The following CENPI variants were observed in gnomAD, a reference collection of about 807,000 sequenced individuals.
The protein encoded by CENPI is centromere protein I.
Under a neutral mutation model 60.4 loss-of-function variants are expected in CENPI, and 4 were observed. The observed-to-expected ratio is 0.07, with a 90% CI of 0.03 to 0.15. CENPI has a LOEUF of 0.15. Among genes scored for constraint, CENPI ranks in the 10% least tolerant of loss-of-function variants. CENPI has a pLI of 1.00. For missense variants in CENPI, 444 were observed against 534.5 expected, an observed-to-expected ratio of 0.83 and a Z score of 1.67; for synonymous variants, 157 against 189.4, an observed-to-expected ratio of 0.83 and a Z score of 1.40.
the CENPI span, among the ~76,000 whole-genome samples, chrX:101,178,938 C>A: frequency 8.9e-6 from 1 of 112,131 alleles, no homozygotes; most frequent in African/African-American, 3.2e-5. Flanking sequence ...TATTAGATTT[C>A]TTTAAGCATT....
the CENPI span, among the ~76,000 whole-genome samples, chrX:101,177,967 TG>T: frequency 8.9e-6 from 1 of 111,988 alleles, no homozygotes; most frequent in East Asian, 2.8e-4. Flanking sequence ...GCTTAGGGCT[TG>T]GAGTATGTAT....
intron 6 of CENPI, among the ~76,000 whole-genome samples, chrX:101,112,047 T>C (rs1046922547): frequency 2.7e-5 from 3 of 111,296 alleles, no homozygotes; most frequent in African/African-American, 9.8e-5. Context: ...AAAGAATGAC[T>C]GACGTACGAA....
rs753966413 is a variant in CENPI at position 101,127,164 on chromosome X, A to G, written c.804A>G (p.Leu268=). 2.4e-5 allele frequency: 29 copies of G among 1,188,480 alleles called. No individual in the cohort carries two copies. The highest frequency in any genetic ancestry group is 1.2e-4 in the South Asian group (6 of 52,032). The change falls in exon 10 of 22, where the codon CTA becomes CTG. Residue 268 remains leucine (L), a synonymous_variant. Coordinates refer to ENST00000682095, the MANE Select transcript of CENPI (RefSeq NM_001386188.2). The part of the protein sequence containing the change: ...KKIYFKNSEN[L]WKTALLAVKQ... ...TATATTTTAAGAATTCAGAGAATCT[A>G]TGGAAGACGGCTCTGCTTGCCGTGA... is the stretch of plus-strand genomic sequence containing the variant.
intron 4 of CENPI, among the ~76,000 whole-genome samples, chrX:101,103,378 G>A (rs1351448926): frequency 1.8e-5 from 2 of 109,321 alleles, no homozygotes; most frequent in Admixed American, 9.9e-5. Context: ...TTTTGCACTT[G>A]TTGCCCAGGC....
chrX:101,161,680 T>C (rs2090109384), intron 21 of CENPI, 111 bp downstream of exon 21: 1 of 673,495 alleles, frequency 1.5e-6, no homozygotes, highest in Non-Finnish European at 2.3e-6. Flanking sequence ...CTCCACAAAG[T>C]CAAAATGAAG....
At chrX:101,116,554 A>G (rs1439310356) in intron 6 of CENPI, among the ~76,000 whole-genome samples, 6 of 111,661 alleles carry the variant, frequency 5.4e-5, no homozygotes, top group Admixed American at 2.9e-4. Context: ...GGATGACTAT[A>G]TCTAATTTTG....
chrX:101,121,110 C>T (rs1429180061), intron 8 of CENPI, among the ~76,000 whole-genome samples: 1 of 110,038 alleles, frequency 9.1e-6, no homozygotes, highest in Admixed American at 9.8e-5. Context: ...CTCCTGGCCT[C>T]GGTGATCCAC....
chrX:101,120,567 T>C, intron 7 of CENPI, 117 bp downstream of exon 7: 1 of 607,131 alleles, frequency 1.6e-6, no homozygotes, highest in Non-Finnish European at 2.6e-6. Flanking sequence ...TTTGTGGAAA[T>C]TGCTTTTTAG....
At chrX:101,118,641 A>G (rs2089646512) in intron 6 of CENPI, among the ~76,000 whole-genome samples, 1 of 112,032 alleles carries the variant, frequency 8.9e-6, no homozygotes, top group Non-Finnish European at 1.9e-5. Context: ...CAGAAAGGCA[A>G]TTGTAAAATG....
intron 4 of CENPI, among the ~76,000 whole-genome samples, chrX:101,102,868 T>TA (rs1267449221): frequency 6.7e-5 from 7 of 104,216 alleles, no homozygotes; most frequent in Non-Finnish European, 1.4e-4. Context: ...TTTTTTTTTT[T>TA]TTTAGTAGGG....
chrX:101,173,955 A>G, the CENPI span, among the ~76,000 whole-genome samples: 1 of 112,188 alleles, frequency 8.9e-6, no homozygotes, highest in Non-Finnish European at 1.9e-5. Flanking sequence ...ATGCTTCTCA[A>G]AAGAAGACAT....
chrX:101,140,300 A>C (rs972521087), intron 15 of CENPI, among the ~76,000 whole-genome samples: 2 of 112,309 alleles, frequency 1.8e-5, no homozygotes, highest in Admixed American at 9.5e-5. Flanking sequence ...CAAGGTAAAA[A>C]GGGAGAGAAA....
At chrX:101,177,881 T>C in the CENPI span, among the ~76,000 whole-genome samples, 9 of 112,195 alleles carry the variant, frequency 8.0e-5, no homozygotes, top group Admixed American at 8.5e-4. Flanking sequence ...GATGTGGAGA[T>C]GCAGGGGCTA....
At chrX:101,109,674 C>A in intron 5 of CENPI, 83 bp downstream of exon 5, 1 of 709,862 alleles carries the variant, frequency 1.4e-6, no homozygotes, top group Non-Finnish European at 2.2e-6. Flanking sequence ...GAAGTAATGG[C>A]ATTGGCCTTT....
rs757961032 is a variant in CENPI, at chrX:101,162,914, C to T, written c.2218C>T (p.His740Tyr). 2.5e-6 allele frequency: 3 copies of T among 1,206,581 alleles called. No individual in the cohort carries two copies. Among genetic ancestry groups the T allele is most frequent in the Non-Finnish European group, 3.4e-6 (3 of 891,798 alleles). ...GLKLFIRSSV[H>Y]HSSIPRAEGI... ...GAAACTTTTTATAAGAAGTAGTGTT[C>T]ATCATTCTTCCATTCCCAGAGCAGA... The change falls in exon 22 of 22, where the codon CAT becomes TAT. Residue 740 changes from histidine to tyrosine, a missense_variant. Physicochemically the swap from His to Tyr is moderately conservative, Grantham distance 83. Coordinates refer to ENST00000682095, the MANE Select transcript of CENPI (RefSeq NM_001386188.2).
chrX:101,139,769 T>C (rs764722290), intron 15 of CENPI, among the ~76,000 whole-genome samples: 4 of 111,427 alleles, frequency 3.6e-5, no homozygotes, highest in Middle Eastern at 4.6e-3. Context: ...TTTATAGATA[T>C]TACGGTTTAT....
At chrX:101,180,951 A>C in the CENPI span, among the ~76,000 whole-genome samples, 2 of 111,304 alleles carry the variant, frequency 1.8e-5, no homozygotes, top group African/African-American at 3.3e-5. Flanking sequence ...TTTTTTGTAG[A>C]GATGGGATCA....
intron 15 of CENPI, among the ~76,000 whole-genome samples, chrX:101,138,468 G>A (rs1330762898): frequency 9.1e-6 from 1 of 109,670 alleles, no homozygotes; most frequent in Non-Finnish European, 1.9e-5. Context: ...CTCCTGAGTA[G>A]CTGGGATTAC....
chrX:101,101,694 A>G (rs2089419147), intron 3 of CENPI, among the ~76,000 whole-genome samples: 1 of 111,240 alleles, frequency 9.0e-6, no homozygotes, highest in African/African-American at 3.3e-5. Context: ...GTTCCAATGT[A>G]TGGTAAAGTT....
Sources: allele counts gnomAD v4.1 joint callset (sites outside exome capture counted in the v4.1 genomes callset), GRCh38; gene constraint gnomAD v4.1.1; transcripts MANE v1.5; gene names NCBI Gene and HGNC (gene_info 2026-07-23, HGNC 2026-07-21).